GLIS3: variants seen among roughly 807,000 people sequenced by gnomAD.
The protein encoded by GLIS3 is GLIS family zinc finger 3.
Under a neutral mutation model 78.6 loss-of-function variants are expected in GLIS3, and 53 were observed. That is an observed-to-expected ratio of 0.67 (90% CI 0.54 to 0.85). The LOEUF is 0.85. Among genes scored for constraint, GLIS3 ranks in the 40% least tolerant of loss-of-function variants. The pLI, the probability that GLIS3 is intolerant of heterozygous loss-of-function variation, is 0.00. For synonymous variants in GLIS3, 684 were observed against 509.9 expected (o/e 1.34, Z -4.60); for missense variants, 1,703 against 1,231.1 (o/e 1.38, Z -5.74).
At chr9:4,268,432 G>T (rs1027185277) in intron 2 of GLIS3, among the ~76,000 whole-genome samples, 2 of 152,116 alleles carry the variant, frequency 1.3e-5, no homozygotes, top group African/African-American at 2.4e-5. Flanking sequence ...GGAGGTCATG[G>T]TCTTGCTTTG....
At chr9:4,303,703 A>G (rs1351853869), upstream of GLIS3, among the ~76,000 whole-genome samples, 1 of 152,208 alleles carries the variant, frequency 6.6e-6, no homozygotes, top group Non-Finnish European at 1.5e-5. Context: ...ATATCTCTCA[A>G]TCTTGTCTAA....
intron 2 of GLIS3, among the ~76,000 whole-genome samples, chr9:4,345,651 A>C (rs1251332258): frequency 6.6e-6 from 1 of 152,248 alleles, no homozygotes; most frequent in Non-Finnish European, 1.5e-5. Context: ...CAGATTGGAT[A>C]CAGAAATTTA....
rs1371030461 is a variant in GLIS3 at position 3,898,840 on chromosome 9, G to C, written c.1984-5C>G. 1.2e-6 allele frequency: 2 copies of C among 1,614,028 alleles called. No homozygotes were observed. Among genetic ancestry groups the C allele is most frequent in the Non-Finnish European group, 8.5e-7 (1 of 1,180,026 alleles). On this transcript the variant is annotated splice_polypyrimidine_tract_variant and splice_region_variant and intron_variant, in intron 6 of 10. Coordinates refer to ENST00000381971, the MANE Select transcript of GLIS3 (RefSeq NM_001042413.2). ...GAGCTCTGTGCTGGACCGCAACTAA[G>C]AGGACAAAACGGAAGAGACATCGAT...
rs757065833 is a variant in GLIS3 at position 4,125,687 on chromosome 9, G to C, written c.596+47C>G. 3 of 1,272,372 alleles carry C rather than the reference G, an allele frequency of 2.4e-6. No individual in the cohort carries two copies. The East Asian group carries it at 6.9e-5, about 29-fold the overall frequency. The allele number at this position is 1,272,372 out of a possible 1,614,324, so 78.8% of individuals were successfully genotyped here. On this transcript the variant is annotated intron_variant, in intron 3 of 10. Coordinates refer to ENST00000381971, the MANE Select transcript of GLIS3 (RefSeq NM_001042413.2). The stretch of plus-strand genomic sequence containing the variant: ...AAAGAGAACGGAAAACACTTGTGGG[G>C]TGTGTTTATACCATAAAGAAAGGGG...
intron 4 of GLIS3, among the ~76,000 whole-genome samples, chr9:3,980,946 C>T (rs759388002): frequency 7.2e-5 from 11 of 152,300 alleles, no homozygotes; most frequent in Middle Eastern, 3.4e-3. Flanking sequence ...CGGTTTCTCT[C>T]GACAGCCCTC....
chr9:4,112,938 T>C (rs1586703810), intron 4 of GLIS3, among the ~76,000 whole-genome samples: 2 of 152,138 alleles, frequency 1.3e-5, no homozygotes, highest in East Asian at 3.8e-4. Context: ...TCTTTCCTTT[T>C]GAGATGTAAC....
chr9:4,027,048 A>AT (rs1554675403), intron 4 of GLIS3, among the ~76,000 whole-genome samples: 1 of 152,164 alleles, frequency 6.6e-6, no homozygotes, highest in Non-Finnish European at 1.5e-5. Context: ...GATCCTTTAC[A>AT]TGTCAACCCT....
At chr9:4,194,695 A>C (rs1057074844) in intron 2 of GLIS3, among the ~76,000 whole-genome samples, 1 of 152,162 alleles carries the variant, frequency 6.6e-6, no homozygotes, top group Non-Finnish European at 1.5e-5. Flanking sequence ...TCGCTGATAA[A>C]AGTGAGTGAA....
At chr9:4,368,210 A>G in the GLIS3 span, among the ~76,000 whole-genome samples, 1 of 152,208 alleles carries the variant, frequency 6.6e-6, no homozygotes, top group Non-Finnish European at 1.5e-5. Context: ...TGTTCTCAGT[A>G]TCTCCAAAGA....
intron 4 of GLIS3, among the ~76,000 whole-genome samples, chr9:4,092,534 T>A (rs532605081): frequency 1.4e-4 from 21 of 152,318 alleles, no homozygotes; most frequent in Middle Eastern, 3.4e-3. Context: ...CTTTTAAAAA[T>A]TTTTTTAAAC....
intron 4 of GLIS3, among the ~76,000 whole-genome samples, chr9:3,987,433 G>T (rs980621348): frequency 2.0e-5 from 3 of 152,086 alleles, no homozygotes; most frequent in Non-Finnish European, 4.4e-5. Flanking sequence ...TGGGTGCAGT[G>T]ATTCACGCCT....
intron 2 of GLIS3, among the ~76,000 whole-genome samples, chr9:4,278,586 GGAGA>G (rs1298019499): frequency 4.6e-5 from 7 of 152,050 alleles, no homozygotes; most frequent in African/African-American, 1.2e-4. Flanking sequence ...AAAAGAGAAG[GGAGA>G]GAAACTCCTC....
intron 2 of GLIS3, among the ~76,000 whole-genome samples, chr9:4,209,961 T>C (rs908239924): frequency 7.9e-5 from 12 of 152,220 alleles, no homozygotes; most frequent in African/African-American, 2.9e-4. Flanking sequence ...TCATCCGTAA[T>C]GTTTTCCATC....
At chr9:4,301,986 TTTTTTC>T (rs202139531), upstream of GLIS3, among the ~76,000 whole-genome samples, 4,082 of 151,610 alleles carry the variant, frequency 0.027, 121 homozygotes, top group Admixed American at 0.095. Context: ...TTGGTTGAAT[TTTTTTC>T]TTTTTTTTTT....
the GLIS3 span, among the ~76,000 whole-genome samples, chr9:4,388,398 G>T: frequency 9.9e-5 from 15 of 152,042 alleles, no homozygotes; most frequent in African/African-American, 3.6e-4. Context: ...GAGAGGCAGG[G>T]CCAGGTGTGG....
the GLIS3 span, among the ~76,000 whole-genome samples, chr9:4,383,661 T>C: frequency 6.6e-6 from 1 of 152,188 alleles, no homozygotes; most frequent in East Asian, 1.9e-4. Context: ...AATCTAGATG[T>C]ATAAGTCCAA....
the GLIS3 span, among the ~76,000 whole-genome samples, chr9:4,361,013 T>A: frequency 6.6e-6 from 1 of 152,258 alleles, no homozygotes; most frequent in Non-Finnish European, 1.5e-5. Context: ...TGACATTTTC[T>A]TTCTGAAACA....
intron 4 of GLIS3, among the ~76,000 whole-genome samples, chr9:4,057,795 T>C (rs1365800680): frequency 6.6e-6 from 1 of 152,162 alleles, no homozygotes; most frequent in East Asian, 1.9e-4. Flanking sequence ...ATACTTTTAA[T>C]GCTATAAGAG....
At chr9:4,451,226 C>A in the GLIS3 span, among the ~76,000 whole-genome samples, 2 of 151,928 alleles carry the variant, frequency 1.3e-5, no homozygotes, top group Admixed American at 1.3e-4. Flanking sequence ...AGACTGCAAA[C>A]CAACAAAGAT....
Sources: gnomAD v4.1 joint callset for allele counts (sites outside exome capture counted in the v4.1 genomes callset) on GRCh38, gnomAD v4.1.1 for gene constraint, MANE v1.5 for transcripts, NCBI Gene and HGNC (gene_info 2026-07-23, HGNC 2026-07-21) for gene names.